Variants in PER2 observed in about 807,000 individuals in gnomAD.
The protein encoded by PER2 is period circadian regulator 2.
PER2 carries 66 observed loss-of-function variants against 121.0 expected under a neutral mutation model. The observed-to-expected ratio is 0.55, with a 90% CI of 0.45 to 0.67. The LOEUF (loss-of-function observed/expected upper bound fraction) is 0.67, where lower values mean the gene tolerates loss of function less well. PER2 is among the 30% of genes least tolerant of loss of function. The pLI, the probability that PER2 is intolerant of heterozygous loss-of-function variation, is 0.00. For missense variants in PER2, 1,521 were observed against 1,635.0 expected (o/e 0.93, Z 1.20); for synonymous variants, 684 against 659.9 (o/e 1.04, Z -0.56).
At chr2:238,263,982 G>A (rs905101636) in intron 9 of PER2, among the ~76,000 whole-genome samples, 1 of 151,424 alleles carries the variant, frequency 6.6e-6, no homozygotes, top group Non-Finnish European at 1.5e-5. Flanking sequence ...GGAAAAAGAG[G>A]GGGAGGAGGA....
intron 13 of PER2, among the ~76,000 whole-genome samples, chr2:238,260,289 C>T (rs765445118): frequency 9.3e-5 from 14 of 151,276 alleles, no homozygotes; most frequent in Non-Finnish European, 1.9e-4. Flanking sequence ...CAGAGTCTTG[C>T]TCTGTCACCC....
chr2:238,286,041 C>G (rs1424173571), intron 1 of PER2, among the ~76,000 whole-genome samples: 3 of 152,036 alleles, frequency 2.0e-5, no homozygotes, highest in African/African-American at 4.8e-5. Flanking sequence ...GGAGGTGCAC[C>G]GGGGAGGCAT....
chr2:238,255,512 G>A, intron 18 of PER2, 145 bp downstream of exon 18: 3 of 840,028 alleles, frequency 3.6e-6, no homozygotes, highest in Non-Finnish European at 6.1e-6. Context: ...GAAACAGATG[G>A]CGTTGCCAGG....
At position 238,253,130 on chromosome 2, in the gene PER2, T is replaced by C. The variant is rs755958766; in HGVS notation, c.2893A>G (p.Thr965Ala). 3 of 1,601,870 alleles carry C rather than the reference T, an allele frequency of 1.9e-6. No homozygotes were observed. Among genetic ancestry groups the C allele is most frequent in the Non-Finnish European group, 2.6e-6 (3 of 1,171,590 alleles). ...IPRQPCACPA[T>A]RATPPSAMGR... Reference sequence around the variant, plus strand: ...ATGGCCGATGGTGGGGTGGCCCGGGTGGCTGGACAAGCACATGGCTGTCTG... The same window carrying C: ...ATGGCCGATGGTGGGGTGGCCCGGGCGGCTGGACAAGCACATGGCTGTCTG... The change falls in exon 19 of 23, where the codon ACC (threonine) becomes GCC (alanine). Residue 965 changes from threonine to alanine, a missense_variant. Physicochemically the swap from Thr to Ala is moderately conservative, Grantham distance 58 (BLOSUM62 0). Transcript: ENST00000254657. This position sits in a 1 kb window ranked among gnomAD's most constrained non-coding sequence, Gnocchi z 5.6.
Position 238,251,698 on chromosome 2 carries a change from G to T in PER2, c.3175C>A (p.Leu1059Ile), listed in dbSNP as rs780410206. ...GAGCAGAGGTCCTCATTCAGCAGGAGGTTTAGGAGGCCGCTTGACGTGGAA... is the reference window on the plus strand; with the variant it reads ...GAGCAGAGGTCCTCATTCAGCAGGATGTTTAGGAGGCCGCTTGACGTGGAA... ...ALSTSSGLLN[L>I]LLNEDLCSAS... Residue 1059 changes from leucine to isoleucine, a missense_variant, in exon 20 of 23, where the codon CTC (leucine) becomes ATC (isoleucine). Leu to Ile is a conservative substitution (Grantham distance 5). Transcript: ENST00000254657. 22 of 1,613,950 alleles carry T rather than the reference G, an allele frequency of 1.4e-5. No individual in the cohort carries two copies. The African/African-American group carries it at 2.9e-4, about 22-fold the overall frequency.
At chr2:238,265,697 T>G in intron 8 of PER2, 107 bp from the exon 9 acceptor site, 1 of 751,346 alleles carries the variant, frequency 1.3e-6, no homozygotes, top group Non-Finnish European at 2.4e-6. Context: ...AATGAGCAGC[T>G]AAAGAAAAAA....
At chr2:238,299,894 C>G in the PER2 span, 18 of 152,270 alleles carry the variant, frequency 1.2e-4, no homozygotes, top group African/African-American at 4.3e-4. Context: ...TTCACCGTAG[C>G]TAGAGCAGAG....
chr2:238,251,551 C>G (rs751094021), intron 20 of PER2, 48 bp downstream of exon 20: 2 of 1,570,522 alleles, frequency 1.3e-6, no homozygotes, highest in East Asian at 4.5e-5. Flanking sequence ...AGCAGTGCAT[C>G]CTGCAGGAAC....
chr2:238,288,099 T>G (rs969198485), intron 1 of PER2, among the ~76,000 whole-genome samples: 5 of 152,030 alleles, frequency 3.3e-5, no homozygotes, highest in African/African-American at 1.2e-4. Flanking sequence ...CCCGTGGGTG[T>G]CCAGGAAAAG....
intron 4 of PER2, 151 bp downstream of exon 4, chr2:238,275,592 G>A (rs973311340): frequency 3.6e-5 from 30 of 822,496 alleles, no homozygotes; most frequent in Non-Finnish European, 6.1e-5. Flanking sequence ...AGGAGGCTGT[G>A]GCAGCGGAAT....
At position 238,244,402 on chromosome 2, in the gene PER2, T is replaced by C. The variant is rs1001412645; in HGVS notation, c.*1973A>G. ...CACGCGCTGAAGCTACAGTTAACAA[T>C]CAGTGAGCACATATTAAATGATAAA... On this transcript the variant is annotated 3_prime_UTR_variant, in exon 23 of 23. Transcript: ENST00000254657. 3 of 152,576 alleles carry C rather than the reference T, an allele frequency of 2.0e-5. No individual in the cohort carries two copies. Among genetic ancestry groups the C allele is most frequent in the Non-Finnish European group, 2.9e-5 (2 of 68,048 alleles). The allele number at this position is 152,576 out of a possible 1,614,324, so 9.5% of individuals were successfully genotyped here. A position where few individuals can be genotyped will look rare whatever the true frequency, so the allele number is the denominator to read the frequency against.
At chr2:238,273,306 A>C (rs1696351501) in intron 4 of PER2, 115 bp from the exon 5 acceptor site, 1 of 1,110,052 alleles carries the variant, frequency 9.0e-7, no homozygotes, top group African/African-American at 1.5e-5. Context: ...GTAGGATATA[A>C]ATCTCGTCTT....
chr2:238,274,859 T>TA (rs1415849607), intron 4 of PER2, among the ~76,000 whole-genome samples: 1 of 152,064 alleles, frequency 6.6e-6, no homozygotes, highest in African/African-American at 2.4e-5. Flanking sequence ...CAGAGAAACT[T>TA]AGAGGACACC....
upstream of PER2, among the ~76,000 whole-genome samples, chr2:238,293,190 C>T (rs1003677490): frequency 1.3e-5 from 2 of 152,090 alleles, no homozygotes; most frequent in African/African-American, 4.8e-5. Context: ...TTTGTCTCTG[C>T]TATACAATAC....
chr2:238,258,230 G>C (rs757516508), intron 16 of PER2, 46 bp downstream of exon 16: 1 of 1,605,508 alleles, frequency 6.2e-7, no homozygotes, highest in South Asian at 1.1e-5. Flanking sequence ...TACTCCAGAG[G>C]ATTTACATTA....
rs1325577772 is a variant in PER2 at position 238,277,190 on chromosome 2, T to C, written c.234A>G (p.Pro78=). Residue 78 remains proline (P), a synonymous_variant, in exon 3 of 23, where the codon CCA becomes CCG. Transcript: ENST00000254657. ...TTGCCATCATCAGGCTAAAGGTATCTGGACTATGAAAACAAAAAATAAAAG... is the reference window on the plus strand; with the variant it reads ...TTGCCATCATCAGGCTAAAGGTATCCGGACTATGAAAACAAAAAATAAAAG... ...LVEPPDARQS[P]DTFSLMMAKS... 1.5e-5 allele frequency: 24 copies of C among 1,611,338 alleles called. No homozygotes were observed. The highest frequency in any genetic ancestry group is 2.0e-5 in the Non-Finnish European group (24 of 1,177,498).
In PER2 at chr2:238,271,452, A is replaced by T; in HGVS notation, c.632T>A (p.Val211Asp). 1 of 1,614,050 alleles carries T rather than the reference A, an allele frequency of 6.2e-7. No individual in the cohort carries two copies. Among genetic ancestry groups the T allele is most frequent in the Non-Finnish European group, 8.5e-7 (1 of 1,179,874 alleles). ...TCTTTTACAGTGAAATATGGATGCA[A>T]CCTGGTCAGAGATGTACAGGATCTT... is the stretch of plus-strand genomic sequence containing the variant. ...SGKILYISDQVASIFHCKRDA... is the reference protein window; with the variant it reads ...SGKILYISDQDASIFHCKRDA... The change falls in exon 6 of 23, where the codon GTT becomes GAT. Residue 211 changes from valine to aspartate, a missense_variant. By Grantham distance (152) the Val-to-Asp change is radical. Coordinates refer to ENST00000254657, the MANE Select transcript of PER2 (RefSeq NM_022817.3).
intron 1 of PER2, among the ~76,000 whole-genome samples, chr2:238,281,068 A>G (rs1696615125): frequency 1.3e-5 from 2 of 151,300 alleles, no homozygotes; most frequent in South Asian, 4.2e-4. Context: ...CAGTGGCGCA[A>G]TCTCGGCTCA....
chr2:238,251,744 G>T lies in PER2; in HGVS notation c.3129C>A (p.Asp1043Glu), dbSNP rs781741714. 1 of 1,607,314 alleles carries T rather than the reference G, an allele frequency of 6.2e-7. No homozygotes were observed. Among genetic ancestry groups the T allele is most frequent in the Non-Finnish European group, 8.5e-7 (1 of 1,176,382 alleles). Residue 1043 changes from aspartate (D) to glutamate (E), a missense_variant, in exon 20 of 23, where the codon GAC (aspartate) becomes GAA (glutamate). Physicochemically the swap from Asp to Glu is conservative, Grantham distance 45. Transcript: ENST00000254657. ...TGGAAAGGGCGTCACTGTTCTGTGT[G>T]TCTGAGGGTTCATCACGCTTTAGGG... ...KAPLTRDEPS[D>E]TQNSDALSTS...
Sources: gnomAD v4.1 joint callset for allele counts (sites outside exome capture counted in the v4.1 genomes callset) on GRCh38, gnomAD v4.1.1 for gene constraint, Gnocchi (gnomAD v3.1) non-coding constraint, MANE v1.5 for transcripts, NCBI Gene and HGNC (gene_info 2026-07-23, HGNC 2026-07-21) for gene names.